SLITRK2: variants seen among roughly 807,000 people sequenced by gnomAD.
SLITRK2 encodes SLIT and NTRK-like protein 2.
SLITRK2 carries 13 observed loss-of-function variants against 35.4 expected under a neutral mutation model. The ratio of observed to expected loss-of-function variants is 0.37; its 90% CI spans 0.24 to 0.58. The LOEUF (loss-of-function observed/expected upper bound fraction) is 0.58, where lower values mean the gene tolerates loss of function less well. Ranked by LOEUF, SLITRK2 falls within the 20% of genes least tolerant of loss-of-function variation. The pLI, the probability that SLITRK2 is intolerant of heterozygous loss-of-function variation, is 0.75. For missense variants in SLITRK2, 471 were observed against 634.3 expected (o/e 0.74, Z 2.76); for synonymous variants, 294 against 264.7 (o/e 1.11, Z -1.07).
chrX:145,822,206 G>C, intron 4 of SLITRK2, 53 bp downstream of exon 4: 3 of 398,987 alleles, frequency 7.5e-6, no homozygotes, highest in Non-Finnish European at 4.3e-6. Flanking sequence ...CGGGATGGGG[G>C]AATAGGGAGC....
chrX:145,818,886 G>T (rs1187916980), intron 1 of SLITRK2: 11 of 112,448 alleles, frequency 9.8e-5, no homozygotes, highest in African/African-American at 3.2e-4. Context: ...GCGGAGTGCT[G>T]CGGCAGTTCT....
rs782157241 is a variant in SLITRK2, at chrX:145,822,735, G to C, written c.310G>C (p.Gly104Arg). 1.1e-5 allele frequency: 13 copies of C among 1,211,135 alleles called. No homozygotes were observed. Among genetic ancestry groups the C allele is most frequent in the Non-Finnish European group, 1.3e-5 (12 of 895,318 alleles). Residue 104 changes from glycine to arginine, a missense_variant, in exon 5 of 5, where the codon GGG (glycine) becomes CGG (arginine). By Grantham distance (125) the Gly-to-Arg change is moderately radical. Coordinates refer to ENST00000335565, the MANE Select transcript of SLITRK2 (RefSeq NM_032539.5). Reference protein sequence around the residue: ...GNNGLQEIRTGAFSGLKTLKR... With the variant: ...GNNGLQEIRTRAFSGLKTLKR... ...CAACGGGTTACAGGAGATCCGAACG[G>C]GGGCATTCAGTGGCCTGAAAACTCT... is the stretch of plus-strand genomic sequence containing the variant.
At position 145,824,388 on chromosome X, in the gene SLITRK2, A is replaced by C. The variant is rs1302805002; in HGVS notation, c.1963A>C (p.Arg655=). Residue 655 remains arginine, a synonymous_variant, in exon 5 of 5, where the codon AGG becomes CGG. Transcript: ENST00000335565. ...KRRKGVPSVP[R]NTNNLDVSSF... is the part of the protein sequence containing the mutation. ...CCGAAAGGGAGTGCCGAGCGTTCCC[A>C]GGAATACCAACAACTTAGACGTAAG... The C allele has an allele frequency of 1.7e-6, 2 of 1,208,998 alleles. No individual in the cohort carries two copies. Among genetic ancestry groups the C allele is most frequent in the African/African-American group, 1.8e-5 (1 of 56,814 alleles).
In SLITRK2 at chrX:145,825,985, A is replaced by G. The variant is rs2073122213; in HGVS notation, c.*1022A>G. On this transcript the variant is annotated 3_prime_UTR_variant, in exon 5 of 5. Transcript: ENST00000335565. Reference sequence around the variant, plus strand: ...TTTCTGCATTGAATTAGATATTTTTATATATTTAAATGAAAAAGTCTGTAT... The same window carrying G: ...TTTCTGCATTGAATTAGATATTTTTGTATATTTAAATGAAAAAGTCTGTAT... 1 of 113,067 alleles carries G rather than the reference A, an allele frequency of 8.8e-6. No homozygotes were observed. Among genetic ancestry groups the G allele is most frequent in the Admixed American group, 9.5e-5 (1 of 10,479 alleles). 9.3% of individuals were successfully genotyped at this position (113,067 alleles called of 1,213,427 possible). A position where few individuals can be genotyped will look rare whatever the true frequency, so the allele number is the denominator to read the frequency against.
rs372731012 is a variant in SLITRK2 at position 145,824,552 on chromosome X, A to G, written c.2127A>G (p.Val709=). 20 of 1,208,385 alleles carry G rather than the reference A, an allele frequency of 1.7e-5. No individual in the cohort carries two copies. In the African/African-American group the frequency reaches 3.5e-4, roughly 21 times the overall value. ...PIYMQKEGDP[V]AYYRNLQEFS... ...ACATGCAGAAGGAAGGAGACCCAGT[A>G]GCCTATTACCGAAACCTGCAAGAGT... The change falls in exon 5 of 5, where the codon GTA becomes GTG. Residue 709 remains valine (V), a synonymous_variant. Transcript: ENST00000335565.
Position 145,825,420 on chromosome X carries a change from A to G in SLITRK2, c.*457A>G, listed in dbSNP as rs782449163. The G allele has an allele frequency of 7.9e-6, 1 of 125,826 alleles. No individual in the cohort carries two copies. Among genetic ancestry groups the G allele is most frequent in the East Asian group, 2.8e-4 (1 of 3,606 alleles). The allele number at this position is 125,826 out of a possible 1,213,427, so 10.4% of individuals were successfully genotyped here. A position where few individuals can be genotyped will look rare whatever the true frequency, so the allele number is the denominator to read the frequency against. On this transcript the variant is annotated 3_prime_UTR_variant, in exon 5 of 5. Transcript: ENST00000335565. ...TCTCCAAAGATCTTTTGTGACTACA[A>G]CTTCTTTTGTAAATAATGATATATG...
In SLITRK2 at chrX:145,823,441, C is replaced by G. The variant is rs2124174748; in HGVS notation, c.1016C>G (p.Thr339Ser). Reference protein sequence around the residue: ...VYQTKSPVPLTCPSSCVCTSQ... With the variant: ...VYQTKSPVPLSCPSSCVCTSQ... ...CAGACCAAGTCTCCTGTGCCTCTCA[C>G]CTGTCCCAGCAGCTGTGTCTGCACC... Residue 339 changes from threonine (T) to serine (S), a missense_variant, in exon 5 of 5, where the codon ACC becomes AGC. Thr to Ser is a moderately conservative substitution (Grantham distance 58). This residue lies in a region of SLITRK2 where 92 missense variants were observed against 184.2 expected (regional missense o/e 0.50). Coordinates refer to ENST00000335565, the MANE Select transcript of SLITRK2 (RefSeq NM_032539.5). The G allele has an allele frequency of 8.3e-7, 1 of 1,211,157 alleles. No homozygotes were observed. The highest frequency in any genetic ancestry group is 1.7e-5 in the African/African-American group (1 of 57,827).
At position 145,823,989 on chromosome X, in the gene SLITRK2, A is replaced by C. The variant is rs1157093168; in HGVS notation, c.1564A>C (p.Ile522Leu). The C allele has an allele frequency of 8.3e-7, 1 of 1,207,852 alleles. No homozygotes were observed. The highest frequency in any genetic ancestry group is 1.1e-6 in the Non-Finnish European group (1 of 894,546). Residue 522 changes from isoleucine to leucine, a missense_variant, in exon 5 of 5, where the codon ATC (isoleucine) becomes CTC (leucine). Ile to Leu is a conservative substitution (Grantham distance 5). Around this residue, in one of 7 missense-constraint regions of SLITRK2, gnomAD observed 92 missense variants for 184.2 expected, o/e 0.50. Coordinates refer to ENST00000335565, the MANE Select transcript of SLITRK2 (RefSeq NM_032539.5). Reference protein sequence around the residue: ...KGVLDQLPAFIQIDLQENPWD... With the variant: ...KGVLDQLPAFLQIDLQENPWD... Reference sequence around the variant, plus strand: ...GGTTCTGGATCAGCTCCCGGCTTTCATCCAGATAGATCTGCAGGAGAACCC... The same window carrying C: ...GGTTCTGGATCAGCTCCCGGCTTTCCTCCAGATAGATCTGCAGGAGAACCC...
Position 145,827,470 on chromosome X carries a change from C to T in SLITRK2, c.*2507C>T. ...AAAGTAAAGATACTCCTGTAAAATG[C>T]CATTGTCCATAGAAAAAATATTAAC... On this transcript the variant is annotated 3_prime_UTR_variant, in exon 5 of 5. Coordinates refer to ENST00000335565, the MANE Select transcript of SLITRK2 (RefSeq NM_032539.5). 1.0e-5 allele frequency: 3 copies of T among 301,080 alleles called. No homozygotes were observed. The highest frequency in any genetic ancestry group is 1.2e-4 in the East Asian group (2 of 17,036). 24.8% of individuals were successfully genotyped at this position (301,080 alleles called of 1,213,427 possible). A position where few individuals can be genotyped will look rare whatever the true frequency, so the allele number is the denominator to read the frequency against.
rs1006338948 is a variant in SLITRK2, at chrX:145,827,729, C to A, written c.*2766C>A. On this transcript the variant is annotated 3_prime_UTR_variant, in exon 5 of 5. Coordinates refer to ENST00000335565, the MANE Select transcript of SLITRK2 (RefSeq NM_032539.5). ...ATCATCATACATCATATACTTTGAA[C>A]CTTTATTTTCTAATGCAATCATAAA... 10 of 1,187,392 alleles carry A rather than the reference C, an allele frequency of 8.4e-6. No individual in the cohort carries two copies. Among genetic ancestry groups the A allele is most frequent in the Non-Finnish European group, 1.1e-5 (10 of 877,939 alleles).
Position 145,827,575 on chromosome X carries a change from A to T in SLITRK2, c.*2612A>T. The T allele has an allele frequency of 2.5e-6, 2 of 803,340 alleles. No individual in the cohort carries two copies. The highest frequency in any genetic ancestry group is 3.4e-6 in the Non-Finnish European group (2 of 590,019). The allele number at this position is 803,340 out of a possible 1,213,427, so 66.2% of individuals were successfully genotyped here. ...AAAGACGCCTACTGAGAGAACTCAAATTTATAAACTCTGTTGCCTAATAAT... is the reference window on the plus strand; with the variant it reads ...AAAGACGCCTACTGAGAGAACTCAATTTTATAAACTCTGTTGCCTAATAAT... On this transcript the variant is annotated 3_prime_UTR_variant, in exon 5 of 5. Coordinates refer to ENST00000335565, the MANE Select transcript of SLITRK2 (RefSeq NM_032539.5).
chrX:145,823,888 A>C lies in SLITRK2; in HGVS notation c.1463A>C (p.Asp488Ala). 1 of 1,211,070 alleles carries C rather than the reference A, an allele frequency of 8.3e-7. No homozygotes were observed. Among genetic ancestry groups the C allele is most frequent in the South Asian group, 1.8e-5 (1 of 56,772 alleles). ...LNNNLLRSLP[D>A]NIFGGTALTR... ...AACAACCTTCTTCGGTCCTTACCTGATAATATATTTGGGGGGACGGCCCTA... is the reference window on the plus strand; with the variant it reads ...AACAACCTTCTTCGGTCCTTACCTGCTAATATATTTGGGGGGACGGCCCTA... Residue 488 changes from aspartate (D) to alanine (A), a missense_variant, in exon 5 of 5, where the codon GAT (aspartate) becomes GCT (alanine). By Grantham distance (126) the Asp-to-Ala change is moderately radical. Transcript: ENST00000335565.
At position 145,821,391 on chromosome X, in the gene SLITRK2, T is replaced by C. The variant is rs1394743607; in HGVS notation, c.-686T>C. On this transcript the variant is annotated 5_prime_UTR_variant, in exon 3 of 5. Transcript: ENST00000335565. Reference sequence around the variant, plus strand: ...CAGAATCAACTGACGCAGCCGGGAATTGAGCTTTGCAAAGCCACTTGCAAG... The same window carrying C: ...CAGAATCAACTGACGCAGCCGGGAACTGAGCTTTGCAAAGCCACTTGCAAG... The C allele has an allele frequency of 9.1e-6, 1 of 109,966 alleles. No individual in the cohort carries two copies. The highest frequency in any genetic ancestry group is 1.9e-5 in the Non-Finnish European group (1 of 52,568). The allele number at this position is 109,966 out of a possible 1,213,427, so 9.1% of individuals were successfully genotyped here.
At position 145,822,677 on chromosome X, in the gene SLITRK2, T is replaced by C. The variant is rs1241090995; in HGVS notation, c.252T>C (p.Asn84=). 2.5e-6 allele frequency: 3 copies of C among 1,209,571 alleles called. No homozygotes were observed. Among genetic ancestry groups the C allele is most frequent in the African/African-American group, 3.5e-5 (2 of 56,931 alleles). The change falls in exon 5 of 5, where the codon AAT becomes AAC. Residue 84 remains asparagine, a synonymous_variant. Coordinates refer to ENST00000335565, the MANE Select transcript of SLITRK2 (RefSeq NM_032539.5). ...LTRLYPNEFV[N]YSNAVTLHLG... ...GACTGTATCCAAACGAATTTGTCAA[T>C]TACTCCAACGCGGTGACTCTTCACC...
intron 1 of SLITRK2, chrX:145,818,619 T>C (rs1354050682): frequency 7.1e-5 from 8 of 112,635 alleles, no homozygotes; most frequent in Non-Finnish European, 1.5e-4. Context: ...AGCCCCCTCG[T>C]GGCCTGATGG....
At position 145,826,696 on chromosome X, in the gene SLITRK2, C is replaced by T. The variant is rs182174179; in HGVS notation, c.*1733C>T. On this transcript the variant is annotated 3_prime_UTR_variant, in exon 5 of 5. Transcript: ENST00000335565. ...CTTTTCAATTCCTTATTAAAGCAAG[C>T]GATGGCGTCTGAAAGAAGCACACTG... is the stretch of plus-strand genomic sequence containing the variant. 84 of 112,138 alleles carry T rather than the reference C, an allele frequency of 7.5e-4. No individual in the cohort carries two copies. Among genetic ancestry groups the T allele is most frequent in the African/African-American group, 2.5e-3 (76 of 30,962 alleles). The allele number at this position is 112,138 out of a possible 1,213,427, so 9.2% of individuals were successfully genotyped here.
rs2124144858 is a variant in SLITRK2, at chrX:145,822,388, C to G, written c.-38C>G. ...TCCCCCTGCCCCCACCTAAGGTTTGCCTGTAGGTACCTGAGTTGACACCGA... is the reference window on the plus strand; with the variant it reads ...TCCCCCTGCCCCCACCTAAGGTTTGGCTGTAGGTACCTGAGTTGACACCGA... On this transcript the variant is annotated 5_prime_UTR_variant, in exon 5 of 5. Transcript: ENST00000335565. The G allele has an allele frequency of 8.6e-7, 1 of 1,159,467 alleles. No homozygotes were observed. Among genetic ancestry groups the G allele is most frequent in the Non-Finnish European group, 1.2e-6 (1 of 863,634 alleles).
In SLITRK2 at chrX:145,828,704, GT is replaced by G. The variant is rs1234355735; in HGVS notation, c.*3743del. 8.1e-6 allele frequency: 1 copy of G among 122,972 alleles called. No homozygotes were observed. The highest frequency in any genetic ancestry group is 1.9e-5 in the Non-Finnish European group (1 of 53,260). 10.1% of individuals were successfully genotyped at this position (122,972 alleles called of 1,213,427 possible). On this transcript the variant is annotated 3_prime_UTR_variant, in exon 5 of 5. Coordinates refer to ENST00000335565, the MANE Select transcript of SLITRK2 (RefSeq NM_032539.5). ...TGGAGACAGTAATGCAATGCAGGAA[GT>G]TAAGTTTTTAAAGGTGATTCTGTGC...
chrX:145,818,521 G>A (rs2072929568), intron 1 of SLITRK2: 1 of 113,131 alleles, frequency 8.8e-6, no homozygotes, highest in African/African-American at 3.2e-5. Flanking sequence ...TCGGAAATGG[G>A]ATTCGACCCG....
Sources: gnomAD v4.1 joint callset for allele counts on GRCh38, gnomAD v4.1.1 for gene constraint, gnomAD v4.1.1 regional missense constraint, MANE v1.5 for transcripts, NCBI Gene and HGNC (gene_info 2026-07-23, HGNC 2026-07-21) for gene names.